The following PSMD1 variants were observed in gnomAD, a reference collection of about 807,000 sequenced individuals.
The protein encoded by PSMD1 is proteasome 26S subunit, non-ATPase 1.
A neutral mutation model predicts 119.0 loss-of-function variants in PSMD1; 18 were observed. The ratio of observed to expected loss-of-function variants is 0.15; its 90% confidence interval spans 0.10 to 0.22. The LOEUF (loss-of-function observed/expected upper bound fraction) is 0.22, where lower values mean the gene tolerates loss of function less well. Ranked by LOEUF, PSMD1 falls within the 10% of genes least tolerant of loss-of-function variation. The probability of loss-of-function intolerance (pLI) is 1.00; values close to 1 mark genes in which losing one functional copy is unlikely to be tolerated. For synonymous variants in PSMD1, 374 were observed against 396.6 expected (o/e 0.94, Z 0.68); for missense variants, 702 against 1,158.5 (o/e 0.61, Z 5.72).
intron 16 of PSMD1, among the ~76,000 whole-genome samples, chr2:231,099,602 G>A (rs1163118254): frequency 1.3e-5 from 2 of 152,088 alleles, no homozygotes; most frequent in African/African-American, 4.8e-5. Context: ...TTCCCATCTT[G>A]ATGGTTTTGG....
chr2:231,146,063 T>A (rs992856497), intron 17 of PSMD1, among the ~76,000 whole-genome samples, 177 bp from the exon 18 acceptor site: 3 of 152,244 alleles, frequency 2.0e-5, no homozygotes, highest in Non-Finnish European at 4.4e-5. Context: ...ACAGGGCCAG[T>A]ATCATCAATA....
intron 16 of PSMD1, among the ~76,000 whole-genome samples, chr2:231,103,614 C>A (rs568599792): frequency 6.6e-6 from 1 of 152,110 alleles, no homozygotes; most frequent in Admixed American, 6.6e-5. Flanking sequence ...CATTTACATT[C>A]TTTTTGTACT....
At chr2:231,137,137 A>C (rs967492230) in intron 16 of PSMD1, among the ~76,000 whole-genome samples, 5 of 148,818 alleles carry the variant, frequency 3.4e-5, no homozygotes, top group Admixed American at 6.8e-5. Flanking sequence ...TTTTTCCTTG[A>C]GATGGAGTCT....
intron 8 of PSMD1, among the ~76,000 whole-genome samples, chr2:231,075,873 G>A (rs530823739): frequency 3.3e-5 from 5 of 152,188 alleles, no homozygotes; most frequent in South Asian, 4.2e-4. Flanking sequence ...ATGAGCCACC[G>A]AGCCAAGCCA....
intron 16 of PSMD1, chr2:231,108,453 G>A: frequency 8.6e-7 from 1 of 1,168,580 alleles, no homozygotes. Context: ...ATATATTCTT[G>A]GCACATTTAC....
At chr2:231,143,203 GGTTTGGTTTGGTTT>G (rs1696169749) in intron 17 of PSMD1, among the ~76,000 whole-genome samples, 1 of 34,390 alleles carries the variant, frequency 2.9e-5, no homozygotes, top group Non-Finnish European at 1.3e-4. Flanking sequence ...GGTTTGGTTT[GGTTTGGTTTGGTTT>G]GGTTTGGTTT....
intron 8 of PSMD1, 22 bp from the exon 9 acceptor site, chr2:231,077,012 T>G (rs1250823167): frequency 6.3e-7 from 1 of 1,580,456 alleles, no homozygotes; most frequent in East Asian, 2.3e-5. Flanking sequence ...AGTTTTCATT[T>G]TTTTTTTGTT....
rs1184940805 is a variant in PSMD1, at chr2:231,070,096, G to A, written c.582G>A (p.Arg194=). The A allele has an allele frequency of 1.3e-6, 2 of 1,578,828 alleles. No individual in the cohort carries two copies. Among genetic ancestry groups the A allele is most frequent in the Middle Eastern group, 1.7e-4 (1 of 5,876 alleles). Reference sequence around the variant, plus strand: ...CTTTAATGCAGAATAAACAGTTTCGGAATAAAGTACTAAGAGTTCTAGTTA... The same window carrying A: ...CTTTAATGCAGAATAAACAGTTTCGAAATAAAGTACTAAGAGTTCTAGTTA... ...CMSLMQNKQF[R]NKVLRVLVKI... is the part of the protein sequence containing the mutation. Residue 194 remains arginine (R), a synonymous_variant, in exon 6 of 25, where the codon CGG becomes CGA. Transcript: ENST00000308696.
At chr2:231,115,869 T>C (rs1225897093) in intron 16 of PSMD1, among the ~76,000 whole-genome samples, 1 of 152,164 alleles carries the variant, frequency 6.6e-6, no homozygotes, top group Non-Finnish European at 1.5e-5. Flanking sequence ...TCAGACCTAC[T>C]GTATCAGACT....
intron 16 of PSMD1, among the ~76,000 whole-genome samples, chr2:231,113,200 G>A (rs1266779097): frequency 6.6e-6 from 1 of 152,024 alleles, no homozygotes. Context: ...ACCCACTGAA[G>A]CAGACACTTA....
At chr2:231,153,711 C>A in intron 19 of PSMD1, 45 bp downstream of exon 19, 2 of 1,274,274 alleles carry the variant, frequency 1.6e-6, no homozygotes, top group Non-Finnish European at 2.2e-6. Flanking sequence ...TAAACTAAAT[C>A]TAATAAAATA....
At chr2:231,094,685 G>A (rs1285239779) in intron 16 of PSMD1, among the ~76,000 whole-genome samples, 1 of 152,162 alleles carries the variant, frequency 6.6e-6, no homozygotes, top group Non-Finnish European at 1.5e-5. Flanking sequence ...AGAACCGTCA[G>A]TAAAAAGCAT....
chr2:231,108,792 A>G (rs1163426310), intron 16 of PSMD1: 4 of 1,614,072 alleles, frequency 2.5e-6, no homozygotes, highest in Non-Finnish European at 3.4e-6. Flanking sequence ...TATCGGCCAA[A>G]TGCATCCCGA....
At chr2:231,107,720 A>G (rs531384441) in intron 16 of PSMD1, among the ~76,000 whole-genome samples, 1 of 152,338 alleles carries the variant, frequency 6.6e-6, no homozygotes, top group South Asian at 2.1e-4. Flanking sequence ...ACAAGCATAC[A>G]TAGGCAGGCA....
intron 17 of PSMD1, among the ~76,000 whole-genome samples, chr2:231,141,202 G>A (rs1186635507): frequency 6.6e-6 from 1 of 152,026 alleles, no homozygotes; most frequent in African/African-American, 2.4e-5. Flanking sequence ...TACTCGGGAG[G>A]CTGAGGCAGA....
At chr2:231,150,605 AC>A (rs1486008792) in intron 18 of PSMD1, among the ~76,000 whole-genome samples, 1 of 152,116 alleles carries the variant, frequency 6.6e-6, no homozygotes. Flanking sequence ...ATATTGTGCT[AC>A]TTCAGAAATA....
chr2:231,128,613 CATGTT>C (rs1695783214), intron 16 of PSMD1, among the ~76,000 whole-genome samples: 1 of 152,208 alleles, frequency 6.6e-6, no homozygotes, highest in South Asian at 2.1e-4. Flanking sequence ...TCTTTGGGAT[CATGTT>C]ATCATTCCTT....
chr2:231,161,982 G>A (rs1043871458), intron 20 of PSMD1, among the ~76,000 whole-genome samples: 4 of 152,282 alleles, frequency 2.6e-5, no homozygotes, highest in South Asian at 4.1e-4. Context: ...TCTGATACTC[G>A]AGTGGTTGAT....
At chr2:231,165,379 C>T in intron 22 of PSMD1, 93 bp downstream of exon 22, 1 of 1,334,152 alleles carries the variant, frequency 7.5e-7, no homozygotes, top group South Asian at 1.8e-5. Context: ...CTACCTTGCT[C>T]TTGGCTTCCT....
Sources: gnomAD v4.1 joint callset for allele counts (sites outside exome capture counted in the v4.1 genomes callset) on GRCh38, gnomAD v4.1.1 for gene constraint, MANE v1.5 for transcripts, NCBI Gene and HGNC (gene_info 2026-07-23, HGNC 2026-07-21) for gene names.